Variants in SPAG16 observed in about 807,000 individuals in gnomAD.
SPAG16 encodes the protein sperm associated antigen 16.
In SPAG16, 86 loss-of-function variants were observed where a neutral mutation model predicts 80.4. The ratio of observed to expected loss-of-function variants is 1.07; its 90% CI spans 0.90 to 1.28. The LOEUF is 1.28. Ranked by LOEUF, SPAG16 falls within the 50% of genes most tolerant of loss-of-function variation. SPAG16 has a pLI of 0.00. For missense variants in SPAG16, 870 were observed against 765.3 expected, an observed-to-expected ratio of 1.14 and a Z score of -1.61; for synonymous variants, 294 against 265.9, an observed-to-expected ratio of 1.11 and a Z score of -1.03.
At chr2:214,072,529 C>A (rs1283476552) in intron 13 of SPAG16, among the ~76,000 whole-genome samples, 1 of 151,932 alleles carries the variant, frequency 6.6e-6, no homozygotes, top group Non-Finnish European at 1.5e-5. Flanking sequence ...AAGAATGACA[C>A]TAAAGGGAAA....
At chr2:213,397,768 A>C (rs142685469) in intron 9 of SPAG16, among the ~76,000 whole-genome samples, 1 of 152,134 alleles carries the variant, frequency 6.6e-6, no homozygotes, top group Admixed American at 6.5e-5. Context: ...GAGGTGTTTC[A>C]AGGCTCAGTT....
chr2:214,056,311 A>ACG (rs1451136688), intron 13 of SPAG16, among the ~76,000 whole-genome samples: 1 of 149,446 alleles, frequency 6.7e-6, no homozygotes, highest in African/African-American at 2.5e-5. Context: ...ACACACACAC[A>ACG]CACGCATAGA....
At chr2:213,786,899 G>C (rs1053976783) in intron 10 of SPAG16, among the ~76,000 whole-genome samples, 3 of 152,058 alleles carry the variant, frequency 2.0e-5, no homozygotes, top group Non-Finnish European at 2.9e-5. Context: ...ATAGTTACTA[G>C]AGTTAAAACA....
At chr2:213,617,592 T>C (rs939422467) in intron 10 of SPAG16, among the ~76,000 whole-genome samples, 1 of 152,188 alleles carries the variant, frequency 6.6e-6, no homozygotes, top group Non-Finnish European at 1.5e-5. Flanking sequence ...TCTGCCCACC[T>C]TGGCCTACAA....
At chr2:213,327,288 T>A (rs2126170356) in intron 5 of SPAG16, among the ~76,000 whole-genome samples, 1 of 152,146 alleles carries the variant, frequency 6.6e-6, no homozygotes, top group Non-Finnish European at 1.5e-5. Flanking sequence ...TATTTTCCAT[T>A]TATTAAGCAG....
intron 10 of SPAG16, among the ~76,000 whole-genome samples, chr2:213,616,554 A>G (rs968975931): frequency 3.3e-5 from 5 of 152,228 alleles, no homozygotes; most frequent in African/African-American, 1.2e-4. Flanking sequence ...TGGGGAAGCC[A>G]GAAAGTCTAG....
intron 15 of SPAG16, among the ~76,000 whole-genome samples, chr2:214,285,409 A>G (rs1400646761): frequency 6.6e-6 from 1 of 152,118 alleles, no homozygotes; most frequent in East Asian, 1.9e-4. Flanking sequence ...TGCCTTGCAA[A>G]CATTTTTTCC....
intron 10 of SPAG16, among the ~76,000 whole-genome samples, chr2:213,550,097 G>A (rs1480925420): frequency 6.6e-6 from 1 of 151,910 alleles, no homozygotes; most frequent in Non-Finnish European, 1.5e-5. Flanking sequence ...GTGTATGTGG[G>A]TGTGTTCACT....
chr2:213,425,672 G>A (rs113010051), intron 9 of SPAG16, among the ~76,000 whole-genome samples: 4,267 of 148,230 alleles, frequency 0.029, 71 homozygotes, highest in Middle Eastern at 0.056. Flanking sequence ...AAAAAAAAAG[G>A]TGTGCAAATT....
At chr2:214,251,174 G>C (rs754024487) in intron 15 of SPAG16, among the ~76,000 whole-genome samples, 3 of 150,822 alleles carry the variant, frequency 2.0e-5, no homozygotes, top group Admixed American at 6.6e-5. Flanking sequence ...TTAGGGTTTG[G>C]GTGAATATAT....
chr2:213,575,798 A>G (rs1315818614), intron 10 of SPAG16, among the ~76,000 whole-genome samples: 2 of 152,198 alleles, frequency 1.3e-5, no homozygotes, highest in African/African-American at 4.8e-5. Flanking sequence ...TTATTATCAC[A>G]GAAATGTATC....
intron 9 of SPAG16, among the ~76,000 whole-genome samples, chr2:213,404,216 A>T (rs10174362): frequency 0.22 from 33,422 of 152,038 alleles, 4,525 homozygotes; most frequent in Non-Finnish European, 0.31. Flanking sequence ...ACTTTAAAGT[A>T]CACATGGAAC....
At chr2:213,939,340 AC>A (rs2079110768) in intron 12 of SPAG16, among the ~76,000 whole-genome samples, 1 of 152,212 alleles carries the variant, frequency 6.6e-6, no homozygotes, top group Non-Finnish European at 1.5e-5. Context: ...GTCACTGGTT[AC>A]CTGTGCCTTA....
At chr2:213,362,450 A>C (rs989009752) in intron 7 of SPAG16, among the ~76,000 whole-genome samples, 1 of 152,156 alleles carries the variant, frequency 6.6e-6, no homozygotes, top group Non-Finnish European at 1.5e-5. Context: ...GCATCCAGAA[A>C]TGCAAGGGAA....
intron 15 of SPAG16, among the ~76,000 whole-genome samples, chr2:214,369,482 G>A (rs572454728): frequency 6.6e-6 from 1 of 152,104 alleles, no homozygotes; most frequent in East Asian, 1.9e-4. Flanking sequence ...GATTCTCCTT[G>A]CTTCTACCTC....
chr2:213,462,929 A>C (rs1425064271), intron 9 of SPAG16, among the ~76,000 whole-genome samples: 1 of 152,218 alleles, frequency 6.6e-6, no homozygotes, highest in East Asian at 1.9e-4. Flanking sequence ...TAATAGGCAA[A>C]GGTTGAAACA....
chr2:213,718,741 G>C (rs1297981125), intron 10 of SPAG16, among the ~76,000 whole-genome samples: 2 of 152,188 alleles, frequency 1.3e-5, no homozygotes, highest in African/African-American at 2.4e-5. Context: ...GGCAGGGCTC[G>C]GGACCTGCAG....
chr2:213,509,194 C>T (rs1456427650), intron 10 of SPAG16, among the ~76,000 whole-genome samples: 5 of 152,124 alleles, frequency 3.3e-5, no homozygotes, highest in Non-Finnish European at 7.3e-5. Context: ...GACGGGGTTT[C>T]ACCATCTTGG....
At chr2:213,598,495 A>G (rs2124959362) in intron 10 of SPAG16, among the ~76,000 whole-genome samples, 1 of 152,310 alleles carries the variant, frequency 6.6e-6, no homozygotes, top group Admixed American at 6.5e-5. Context: ...TAGGGTACTA[A>G]ACATTGATGA....
Sources: gnomAD v4.1 joint callset for allele counts (sites outside exome capture counted in the v4.1 genomes callset) on GRCh38, gnomAD v4.1.1 for gene constraint, MANE v1.5 for transcripts, NCBI Gene and HGNC (gene_info 2026-07-23, HGNC 2026-07-21) for gene names.